The following HSPA14 variants were observed in gnomAD, a reference collection of about 807,000 sequenced individuals.
HSPA14 encodes heat shock protein family A (Hsp70) member 14, also known as heat shock 70 kDa protein 14.
HSPA14 carries 37 observed loss-of-function variants against 65.5 expected under a neutral mutation model. That is an observed-to-expected ratio of 0.56 (90% CI 0.43 to 0.74). HSPA14 has a LOEUF of 0.74. Ranked by LOEUF, HSPA14 falls within the 30% of genes least tolerant of loss-of-function variation. HSPA14 has a pLI of 0.00. For missense variants in HSPA14, 564 were observed against 607.6 expected (o/e 0.93, Z 0.75); for synonymous variants, 203 against 214.2 (o/e 0.95, Z 0.46).
At chr10:14,861,828 A>G (rs1314853595) in intron 10 of HSPA14, among the ~76,000 whole-genome samples, 2 of 151,870 alleles carry the variant, frequency 1.3e-5, no homozygotes, top group African/African-American at 2.4e-5. Flanking sequence ...CATGGCCAAC[A>G]TGGTGAAACA....
intron 1 of HSPA14, among the ~76,000 whole-genome samples, chr10:14,839,050 G>T (rs1047248874): frequency 1.7e-4 from 26 of 152,220 alleles, no homozygotes; most frequent in African/African-American, 5.8e-4. Context: ...TCGAGCTGGG[G>T]CTGATGGTCC....
Position 14,840,059 on chromosome 10 carries a change from TTA to T in HSPA14, c.139-14_139-13del, listed in dbSNP as rs762592781. The stretch of plus-strand genomic sequence containing the variant: ...ACATTGTAATATATATATATATATA[TTA>T]TTTTTTTTTTCAGATTGTTGGATTG... On this transcript the variant is annotated splice_polypyrimidine_tract_variant and intron_variant, in intron 2 of 13. Coordinates refer to ENST00000378372, the MANE Select transcript of HSPA14 (RefSeq NM_016299.4). 2.5e-5 allele frequency: 30 copies of T among 1,178,748 alleles called. No homozygotes were observed. The highest frequency in any genetic ancestry group is 2.8e-4 in the Middle Eastern group (1 of 3,540). 73.0% of individuals were successfully genotyped at this position (1,178,748 alleles called of 1,614,324 possible). A position where few individuals can be genotyped will look rare whatever the true frequency, so the allele number is the denominator to read the frequency against.
chr10:14,864,232 G>GA (rs1228351277), intron 10 of HSPA14, among the ~76,000 whole-genome samples: 2,692 of 102,586 alleles, frequency 0.026, 52 homozygotes, highest in Non-Finnish European at 0.041. Flanking sequence ...TCTGTCTCCG[G>GA]AAAAAAAAAA....
At chr10:14,870,766 C>A in intron 13 of HSPA14, 99 bp downstream of exon 13, 1 of 1,117,016 alleles carries the variant, frequency 9.0e-7, no homozygotes, top group Non-Finnish European at 1.2e-6. Context: ...CTAGAAGAAA[C>A]ATTAAAAACC....
At chr10:14,841,530 C>T (rs1244466099) in intron 3 of HSPA14, among the ~76,000 whole-genome samples, 1 of 152,170 alleles carries the variant, frequency 6.6e-6, no homozygotes, top group South Asian at 2.1e-4. Flanking sequence ...GTGTCACAAC[C>T]AAGATGCTCA....
chr10:14,869,555 A>G (rs911459217), intron 12 of HSPA14, among the ~76,000 whole-genome samples: 1 of 152,184 alleles, frequency 6.6e-6, no homozygotes, highest in Non-Finnish European at 1.5e-5. Flanking sequence ...TCAGCCTCCC[A>G]AACTGCTGGG....
intron 10 of HSPA14, among the ~76,000 whole-genome samples, chr10:14,865,950 T>C (rs558456693): frequency 6.6e-6 from 1 of 152,340 alleles, no homozygotes; most frequent in Non-Finnish European, 1.5e-5. Context: ...TCCATGAGCA[T>C]AGAATGTTCT....
At chr10:14,865,237 A>C (rs1832794976) in intron 10 of HSPA14, among the ~76,000 whole-genome samples, 1 of 151,900 alleles carries the variant, frequency 6.6e-6, no homozygotes, top group Admixed American at 6.6e-5. Context: ...TTGTCAGATG[A>C]GTAGATTGCA....
At chr10:14,843,540 A>G (rs1424030099) in intron 3 of HSPA14, 1 of 1,550,570 alleles carries the variant, frequency 6.4e-7, no homozygotes, top group Admixed American at 2.0e-5. Context: ...CGCAGACTCC[A>G]GTCTCCTCTT....
intron 3 of HSPA14, chr10:14,845,074 A>G: frequency 1.0e-6 from 1 of 985,478 alleles, no homozygotes; most frequent in East Asian, 1.1e-4. Context: ...TGCCTGCAAT[A>G]GATGACTCCT....
chr10:14,850,365 A>G (rs1245561662), intron 6 of HSPA14, among the ~76,000 whole-genome samples: 1 of 152,154 alleles, frequency 6.6e-6, no homozygotes, highest in Non-Finnish European at 1.5e-5. Context: ...TTAAATTGAC[A>G]TTTATGAATC....
In HSPA14 at chr10:14,841,479, C is replaced by G. The variant is rs146773740; in HGVS notation, c.221+1322C>G. On this transcript the variant is annotated intron_variant, in intron 3 of 13. Transcript: ENST00000378372. ...GACATCAAACACATTGCTGGATTCA[C>G]CACCTCTCCCCGTGGTTATATCTTG... is the stretch of plus-strand genomic sequence containing the variant. Among the ~76,000 whole-genome samples the G allele has an allele frequency of 5.5e-3, 843 of 152,212 alleles. 9 individuals are homozygous for G. The highest frequency in any genetic ancestry group is 0.019 in the African/African-American group (787 of 41,498).
chr10:14,864,203 C>G (rs1217411951), intron 10 of HSPA14, among the ~76,000 whole-genome samples: 1 of 148,674 alleles, frequency 6.7e-6, no homozygotes. Flanking sequence ...CAACTCCAGC[C>G]CGGGTGACAG....
intron 12 of HSPA14, among the ~76,000 whole-genome samples, chr10:14,868,457 C>T (rs1404995094): frequency 1.3e-5 from 2 of 151,738 alleles, no homozygotes; most frequent in African/African-American, 4.8e-5. Flanking sequence ...TGAAGTAGAG[C>T]CACGTTATTT....
chr10:14,845,207 TAAAC>T (rs1834033871), intron 3 of HSPA14: 1 of 985,262 alleles, frequency 1.0e-6, no homozygotes, highest in African/African-American at 1.7e-5. Flanking sequence ...TCTCTGTCAT[TAAAC>T]TAACTTAAAG....
chr10:14,839,094 G>A (rs1255995831), intron 1 of HSPA14, among the ~76,000 whole-genome samples: 1 of 152,208 alleles, frequency 6.6e-6, no homozygotes, highest in African/African-American at 2.4e-5. Flanking sequence ...CCAGTTGATG[G>A]TGCGTGGTCT....
rs763589966 is a variant in HSPA14, at chr10:14,840,060, TA to T, written c.139-14del. ...CATTGTAATATATATATATATATAT[TA>T]TTTTTTTTTTCAGATTGTTGGATTG... On this transcript the variant is annotated splice_polypyrimidine_tract_variant and intron_variant, in intron 2 of 13. Transcript: ENST00000378372. 129 of 1,199,582 alleles carry T rather than the reference TA, an allele frequency of 1.1e-4. No homozygotes were observed. The highest frequency in any genetic ancestry group is 2.8e-4 in the Middle Eastern group (1 of 3,606). The allele number at this position is 1,199,582 out of a possible 1,614,324, so 74.3% of individuals were successfully genotyped here.
chr10:14,854,568 G>A (rs1834132321), intron 9 of HSPA14, among the ~76,000 whole-genome samples: 1 of 152,174 alleles, frequency 6.6e-6, no homozygotes, highest in Non-Finnish European at 1.5e-5. Flanking sequence ...ACAAAGGGAG[G>A]ACGTGCTGTA....
intron 8 of HSPA14, among the ~76,000 whole-genome samples, chr10:14,853,656 T>C (rs1834123963): frequency 6.6e-6 from 1 of 152,300 alleles, no homozygotes; most frequent in African/African-American, 2.4e-5. Context: ...TTTAGGAAAG[T>C]TTAGAGGGAT....
Sources: gnomAD v4.1 joint callset for allele counts (sites outside exome capture counted in the v4.1 genomes callset) on GRCh38, gnomAD v4.1.1 for gene constraint, MANE v1.5 for transcripts, NCBI Gene and HGNC (gene_info 2026-07-23, HGNC 2026-07-21) for gene names.